The following SCAMP1 variants were observed in gnomAD, a reference collection of about 807,000 sequenced individuals.
The protein encoded by SCAMP1 is secretory carrier-associated membrane protein 1.
SCAMP1 carries 15 observed loss-of-function variants against 41.8 expected under a neutral mutation model. That is an observed-to-expected ratio of 0.36 (90% CI 0.24 to 0.55). The LOEUF is 0.55. Among genes scored for constraint, SCAMP1 ranks in the 20% least tolerant of loss-of-function variants. SCAMP1 has a pLI of 0.86. For synonymous variants in SCAMP1, 135 were observed against 136.8 expected (o/e 0.99, Z 0.09); for missense variants, 341 against 412.6 (o/e 0.83, Z 1.50).
At chr5:78,465,491 A>G (rs1424990049) in intron 8 of SCAMP1, among the ~76,000 whole-genome samples, 1 of 152,230 alleles carries the variant, frequency 6.6e-6, no homozygotes, top group Non-Finnish European at 1.5e-5. Context: ...AGTGATTGGC[A>G]TGTGATAGGC....
At chr5:78,413,457 G>A (rs930139834) in intron 2 of SCAMP1, among the ~76,000 whole-genome samples, 6 of 140,880 alleles carry the variant, frequency 4.3e-5, no homozygotes, top group African/African-American at 1.6e-4. Context: ...TCACTCTGTA[G>A]CCCAAGTTGG....
chr5:78,447,868 T>TCC (rs1561280567), intron 6 of SCAMP1, among the ~76,000 whole-genome samples: 8 of 56,278 alleles, frequency 1.4e-4, no homozygotes, highest in Admixed American at 2.3e-4. Flanking sequence ...CCTGCCCCCC[T>TCC]TCCCCTACCC....
At chr5:78,447,022 C>T (rs1299057324) in intron 6 of SCAMP1, among the ~76,000 whole-genome samples, 1 of 152,220 alleles carries the variant, frequency 6.6e-6, no homozygotes, top group Non-Finnish European at 1.5e-5. Context: ...CCTCCTGTCA[C>T]ATCAACAGTG....
At chr5:78,421,193 A>C (rs1248182258) in intron 5 of SCAMP1, among the ~76,000 whole-genome samples, 1 of 152,234 alleles carries the variant, frequency 6.6e-6, no homozygotes, top group African/African-American at 2.4e-5. Flanking sequence ...AGCCTGCCAC[A>C]GTAGCTAAAA....
At chr5:78,396,408 G>A (rs1751652939) in intron 2 of SCAMP1, among the ~76,000 whole-genome samples, 1 of 152,094 alleles carries the variant, frequency 6.6e-6, no homozygotes, top group African/African-American at 2.4e-5. Flanking sequence ...ACCTAAAACT[G>A]CATTAGAAAA....
intron 6 of SCAMP1, among the ~76,000 whole-genome samples, chr5:78,430,299 T>C (rs1752586663): frequency 6.7e-6 from 1 of 150,150 alleles, no homozygotes; most frequent in South Asian, 2.1e-4. Context: ...ATGTAAATAG[T>C]ATTTACAGCT....
intron 2 of SCAMP1, among the ~76,000 whole-genome samples, chr5:78,404,297 A>G (rs1751874754): frequency 6.6e-6 from 1 of 151,946 alleles, no homozygotes; most frequent in African/African-American, 2.4e-5. Flanking sequence ...GACTACAGGC[A>G]TGTGCCACCA....
At chr5:78,471,215 C>G (rs985440931) in intron 8 of SCAMP1, among the ~76,000 whole-genome samples, 3 of 152,138 alleles carry the variant, frequency 2.0e-5, no homozygotes, top group Admixed American at 6.6e-5. Flanking sequence ...TGGCGGTACT[C>G]TCAATAGGGA....
At chr5:78,411,742 A>AT (rs773723406) in intron 2 of SCAMP1, among the ~76,000 whole-genome samples, 9 of 152,256 alleles carry the variant, frequency 5.9e-5, no homozygotes, top group Non-Finnish European at 8.8e-5. Flanking sequence ...GCATACATAC[A>AT]TTTGCAAATA....
chr5:78,432,027 C>T (rs1277611608), intron 6 of SCAMP1, among the ~76,000 whole-genome samples: 1 of 151,762 alleles, frequency 6.6e-6, no homozygotes, highest in Non-Finnish European at 1.5e-5. Flanking sequence ...CAATAGTCAC[C>T]CTGTCGTGCT....
At chr5:78,410,487 T>C (rs1752048676) in intron 2 of SCAMP1, among the ~76,000 whole-genome samples, 1 of 152,228 alleles carries the variant, frequency 6.6e-6, no homozygotes, top group African/African-American at 2.4e-5. Context: ...CATTCCTTTT[T>C]ATGGCTGCAT....
At chr5:78,418,303 A>G (rs1010249689) in intron 4 of SCAMP1, among the ~76,000 whole-genome samples, 6 of 152,198 alleles carry the variant, frequency 3.9e-5, no homozygotes, top group Non-Finnish European at 7.3e-5. Context: ...AAAACTTGAA[A>G]AAATTAGAAG....
At chr5:78,433,695 T>G (rs1380067563) in intron 6 of SCAMP1, among the ~76,000 whole-genome samples, 2 of 152,150 alleles carry the variant, frequency 1.3e-5, no homozygotes, top group East Asian at 3.9e-4. Flanking sequence ...AGAGAGGGCT[T>G]CTCTTCGCAC....
chr5:78,424,884 A>G (rs532557552), intron 6 of SCAMP1, among the ~76,000 whole-genome samples: 1 of 152,354 alleles, frequency 6.6e-6, no homozygotes, highest in East Asian at 1.9e-4. Context: ...CAGACTGAGA[A>G]AGAGTATTTG....
intron 1 of SCAMP1, among the ~76,000 whole-genome samples, chr5:78,375,235 ATATT>A (rs1217801652): frequency 6.6e-6 from 1 of 152,162 alleles, no homozygotes; most frequent in Non-Finnish European, 1.5e-5. Context: ...GAGCAGCACA[ATATT>A]TATTCTTTTT....
chr5:78,404,453 G>GTTTTTTTTT lies in SCAMP1; in HGVS notation c.136-11055_136-11047dup, dbSNP rs3058233. ...TGAGCCACTGTGCCCAGCCTTACAG[G>GTTTTTTTTT]TTTTTTTTTTTTTTTTTTTTGCTAG... On this transcript the variant is annotated intron_variant, in intron 2 of 8. Transcript: ENST00000621999. 5.6e-3 allele frequency among the ~76,000 whole-genome samples: 549 copies of GTTTTTTTTT among 98,146 alleles called. 32 individuals are homozygous for GTTTTTTTTT. Among genetic ancestry groups the GTTTTTTTTT allele is most frequent in the Middle Eastern group, 0.018 (3 of 170 alleles). 64.4% of individuals were successfully genotyped at this position (98,146 alleles called of 152,430 possible).
At chr5:78,390,432 T>C (rs2112088070) in intron 2 of SCAMP1, among the ~76,000 whole-genome samples, 1 of 152,330 alleles carries the variant, frequency 6.6e-6, no homozygotes, top group African/African-American at 2.4e-5. Flanking sequence ...TGACCAGTTT[T>C]GATATATAAA....
chr5:78,428,009 A>T (rs1401915290), intron 6 of SCAMP1, among the ~76,000 whole-genome samples: 5 of 152,122 alleles, frequency 3.3e-5, no homozygotes, highest in African/African-American at 1.2e-4. Context: ...GTGGCTTCTT[A>T]GTGGTGCCTT....
At chr5:78,416,087 C>T (rs1375422578) in intron 3 of SCAMP1, among the ~76,000 whole-genome samples, 3 of 152,130 alleles carry the variant, frequency 2.0e-5, no homozygotes, top group East Asian at 1.9e-4. Flanking sequence ...ACCTCATTCT[C>T]CTATAACATT....
Sources: gnomAD v4.1 joint callset for allele counts (sites outside exome capture counted in the v4.1 genomes callset) on GRCh38, gnomAD v4.1.1 for gene constraint, MANE v1.5 for transcripts, NCBI Gene and HGNC (gene_info 2026-07-23, HGNC 2026-07-21) for gene names.